The following PDE4B variants were observed in gnomAD, a reference collection of about 807,000 sequenced individuals.
The protein encoded by PDE4B is 3',5'-cyclic-AMP phosphodiesterase 4B.
In PDE4B, 20 loss-of-function variants were observed where a neutral mutation model predicts 82.2. The observed-to-expected ratio is 0.24, with a 90% CI of 0.17 to 0.35. PDE4B has a LOEUF of 0.35. Among genes scored for constraint, PDE4B ranks in the 10% least tolerant of loss-of-function variants. PDE4B has a pLI of 1.00. For synonymous variants in PDE4B, 320 were observed against 318.9 expected (o/e 1.00, Z -0.04); for missense variants, 655 against 907.2 (o/e 0.72, Z 3.57).
chr1:66,294,748 A>G (rs1657381294), intron 7 of PDE4B, among the ~76,000 whole-genome samples: 1 of 152,194 alleles, frequency 6.6e-6, no homozygotes, highest in South Asian at 2.1e-4. Flanking sequence ...AGTAAAGGGA[A>G]AATCAAAGAG....
At chr1:66,174,952 A>T (rs1646905568) in intron 3 of PDE4B, among the ~76,000 whole-genome samples, 1 of 152,166 alleles carries the variant, frequency 6.6e-6, no homozygotes, top group South Asian at 2.1e-4. Context: ...GGCAGGAGAG[A>T]GAGAGGGAGG....
intron 7 of PDE4B, among the ~76,000 whole-genome samples, chr1:66,287,115 G>A (rs1435172071): frequency 6.6e-6 from 1 of 152,148 alleles, no homozygotes; most frequent in African/African-American, 2.4e-5. Flanking sequence ...ATATTTAAAT[G>A]TGACACATTT....
chr1:66,266,302 G>A (rs1655033362), intron 7 of PDE4B: 2 of 581,462 alleles, frequency 3.4e-6, no homozygotes, highest in Non-Finnish European at 6.2e-6. Context: ...CCCATTGTAT[G>A]TGCAGGCTTT....
At chr1:66,164,535 C>CAAAAAAAAA (rs10718019) in intron 3 of PDE4B, among the ~76,000 whole-genome samples, 14 of 48,552 alleles carry the variant, frequency 2.9e-4, no homozygotes, top group Non-Finnish European at 2.8e-4. Flanking sequence ...GACTCCGTCT[C>CAAAAAAAAA]AAAAAAAAAA....
chr1:65,985,301 G>A (rs2100661856), intron 3 of PDE4B, among the ~76,000 whole-genome samples: 1 of 152,202 alleles, frequency 6.6e-6, no homozygotes, highest in South Asian at 2.1e-4. Context: ...GAGCAGTGGA[G>A]TGGATTTGAT....
chr1:66,213,248 TTTC>T (rs2101582297), intron 3 of PDE4B, among the ~76,000 whole-genome samples: 1 of 152,312 alleles, frequency 6.6e-6, no homozygotes, highest in South Asian at 2.1e-4. Context: ...ATACCTTGAC[TTTC>T]TTCTTCTTTA....
At chr1:65,895,325 G>A (rs1261739564) in intron 1 of PDE4B, among the ~76,000 whole-genome samples, 1 of 152,042 alleles carries the variant, frequency 6.6e-6, no homozygotes, top group African/African-American at 2.4e-5. Flanking sequence ...CGAAACAGGT[G>A]AATCACCTGA....
intron 3 of PDE4B, among the ~76,000 whole-genome samples, chr1:66,203,995 T>G (rs1033492521): frequency 6.6e-6 from 1 of 152,200 alleles, no homozygotes; most frequent in Non-Finnish European, 1.5e-5. Flanking sequence ...CTTTTGGTCT[T>G]TGATGATGGT....
intron 3 of PDE4B, among the ~76,000 whole-genome samples, chr1:65,999,377 C>T (rs1361343648): frequency 1.3e-5 from 2 of 152,198 alleles, no homozygotes; most frequent in Non-Finnish European, 2.9e-5. Flanking sequence ...CAGGCTGCTT[C>T]CAACCTCCTC....
intron 1 of PDE4B, among the ~76,000 whole-genome samples, chr1:65,862,963 GTCTA>G (rs1287531491): frequency 1.3e-5 from 2 of 152,114 alleles, no homozygotes; most frequent in East Asian, 1.9e-4. Context: ...CTGTGTAGTG[GTCTA>G]TCTATTTTGT....
intron 3 of PDE4B, among the ~76,000 whole-genome samples, chr1:65,967,457 C>A (rs1649894720): frequency 6.6e-6 from 1 of 152,124 alleles, no homozygotes; most frequent in Non-Finnish European, 1.5e-5. Context: ...ATTAGTTCAA[C>A]CATTGTGGAA....
chr1:66,255,478 A>G (rs577830083), intron 4 of PDE4B, among the ~76,000 whole-genome samples: 36 of 152,180 alleles, frequency 2.4e-4, no homozygotes, highest in Non-Finnish European at 5.0e-4. Context: ...TTCTATCCTT[A>G]TTCTCTACAA....
intron 1 of PDE4B, among the ~76,000 whole-genome samples, chr1:65,818,685 C>CAT (rs58193032): frequency 0.02 from 2,801 of 143,624 alleles, 63 homozygotes; most frequent in African/African-American, 0.056. Flanking sequence ...CACACACACA[C>CAT]ATATATATAT....
At chr1:65,846,379 G>T (rs1008456469) in intron 1 of PDE4B, among the ~76,000 whole-genome samples, 2 of 152,194 alleles carry the variant, frequency 1.3e-5, no homozygotes, top group African/African-American at 4.8e-5. Context: ...ATAGGGCAAG[G>T]TTGTGGAATT....
At chr1:66,313,365 A>T (rs13375308) in intron 7 of PDE4B, among the ~76,000 whole-genome samples, 2,042 of 152,310 alleles carry the variant, frequency 0.013, 52 homozygotes, top group African/African-American at 0.047. Flanking sequence ...AGTGGCAGTG[A>T]CTGAGTGATT....
intron 3 of PDE4B, among the ~76,000 whole-genome samples, chr1:66,082,728 A>G (rs1656808244): frequency 6.6e-6 from 1 of 152,020 alleles, no homozygotes; most frequent in Non-Finnish European, 1.5e-5. Context: ...TTAATAATAT[A>G]TATTTATCCA....
At chr1:66,237,887 G>C (rs1471205989) in intron 3 of PDE4B, among the ~76,000 whole-genome samples, 1 of 152,214 alleles carries the variant, frequency 6.6e-6, no homozygotes, top group African/African-American at 2.4e-5. Context: ...CCAGGCACTA[G>C]TTAGTATACC....
At chr1:66,020,837 G>A (rs532867362) in intron 3 of PDE4B, among the ~76,000 whole-genome samples, 108 of 152,268 alleles carry the variant, frequency 7.1e-4, no homozygotes, top group African/African-American at 2.4e-3. Context: ...GCCCAGTAAC[G>A]GGATGGCTGG....
At chr1:65,902,570 T>C (rs779644508) in intron 1 of PDE4B, among the ~76,000 whole-genome samples, 1 of 152,178 alleles carries the variant, frequency 6.6e-6, no homozygotes, top group Non-Finnish European at 1.5e-5. Context: ...TTGTAAAGCA[T>C]CTCTGTCATA....
Sources: allele counts gnomAD v4.1 joint callset (sites outside exome capture counted in the v4.1 genomes callset), GRCh38; gene constraint gnomAD v4.1.1; transcripts MANE v1.5; gene names NCBI Gene and HGNC (gene_info 2026-07-23, HGNC 2026-07-21).